The following ART3 variants were observed in gnomAD, a reference collection of about 807,000 sequenced individuals.
ART3 encodes ecto-ADP-ribosyltransferase 3.
In ART3, 49 loss-of-function variants were observed where a neutral mutation model predicts 48.5. That is an observed-to-expected ratio of 1.01 (90% CI 0.80 to 1.28). The LOEUF is 1.28. Among genes scored for constraint, ART3 ranks in the 50% most tolerant of loss-of-function variants. The pLI, the probability that ART3 is intolerant of heterozygous loss-of-function variation, is 0.00. For synonymous variants in ART3, 145 were observed against 157.2 expected, an observed-to-expected ratio of 0.92 and a Z score of 0.58; for missense variants, 438 against 454.3, an observed-to-expected ratio of 0.96 and a Z score of 0.33.
chr4:76,023,149 C>G (rs1733034063), intron 1 of ART3, among the ~76,000 whole-genome samples: 1 of 152,174 alleles, frequency 6.6e-6, no homozygotes, highest in Non-Finnish European at 1.5e-5. Flanking sequence ...TTCCCCATCT[C>G]TTCTGTCCTC....
intron 4 of ART3, among the ~76,000 whole-genome samples, chr4:76,098,114 A>G (rs1036012708): frequency 6.6e-6 from 1 of 152,030 alleles, no homozygotes; most frequent in African/African-American, 2.4e-5. Context: ...TGGCATGAAT[A>G]TAGGTCGAGG....
intron 2 of ART3, among the ~76,000 whole-genome samples, chr4:76,077,757 A>G (rs1219108635): frequency 6.6e-6 from 1 of 152,130 alleles, no homozygotes; most frequent in Non-Finnish European, 1.5e-5. Flanking sequence ...ATTTTATGTT[A>G]ACTTTTTTAG....
chr4:76,019,144 CACCAAAAGATGAAAA>C (rs925123173), intron 1 of ART3, among the ~76,000 whole-genome samples: 2 of 151,290 alleles, frequency 1.3e-5, no homozygotes, highest in African/African-American at 4.9e-5. Context: ...AAAATGGCCC[CACCAAAAGATGAAAA>C]ATATCAAAAA....
At chr4:76,109,915 G>C (rs1409722146) in intron 11 of ART3, among the ~76,000 whole-genome samples, 2 of 152,084 alleles carry the variant, frequency 1.3e-5, no homozygotes, top group Non-Finnish European at 2.9e-5. Flanking sequence ...ATTTTTCTTG[G>C]TTTTATTTAT....
chr4:76,028,977 C>T (rs1733648207), intron 1 of ART3, among the ~76,000 whole-genome samples: 1 of 152,126 alleles, frequency 6.6e-6, no homozygotes, highest in African/African-American at 2.4e-5. Context: ...AATTGGAGGA[C>T]ATTATAATAA....
chr4:76,105,239 A>G (rs1257292185), intron 10 of ART3, among the ~76,000 whole-genome samples: 3 of 152,174 alleles, frequency 2.0e-5, no homozygotes, highest in Non-Finnish European at 4.4e-5. Context: ...TCATCTGGCT[A>G]TCTGAAAGGC....
chr4:76,080,556 G>T (rs946130664), intron 2 of ART3, among the ~76,000 whole-genome samples: 3 of 152,106 alleles, frequency 2.0e-5, no homozygotes, highest in East Asian at 3.9e-4. Flanking sequence ...TTTTGCCCAG[G>T]CTGGAGTGCT....
intron 8 of ART3, among the ~76,000 whole-genome samples, chr4:76,103,089 A>AT (rs139087283): frequency 2.6e-5 from 4 of 152,244 alleles, no homozygotes; most frequent in South Asian, 2.1e-4. Context: ...AGCTGATGGC[A>AT]TTTTTTTACT....
chr4:76,073,857 A>G (rs1720581938), upstream of ART3, among the ~76,000 whole-genome samples: 2 of 152,210 alleles, frequency 1.3e-5, no homozygotes, highest in African/African-American at 2.4e-5. Context: ...AGATTTATCC[A>G]CATTGTTATA....
intron 1 of ART3, chr4:76,075,107 T>C (rs1720780661): frequency 6.6e-6 from 1 of 152,204 alleles, no homozygotes; most frequent in African/African-American, 2.4e-5. Context: ...TTCATTCTCA[T>C]TTTTAGAATC....
intron 1 of ART3, among the ~76,000 whole-genome samples, chr4:76,066,798 G>A (rs73825730): frequency 2.6e-5 from 4 of 152,202 alleles, no homozygotes; most frequent in South Asian, 2.1e-4. Flanking sequence ...CCCCTTCCAC[G>A]TGGGACTCTG....
intron 1 of ART3, chr4:76,023,481 C>A: frequency 6.5e-7 from 1 of 1,527,646 alleles, no homozygotes; most frequent in East Asian, 2.3e-5. Context: ...TATGTCTAAG[C>A]AATTGAGGAA....
intron 10 of ART3, chr4:76,105,567 T>C (rs1256807538): frequency 7.8e-7 from 1 of 1,288,118 alleles, no homozygotes; most frequent in Non-Finnish European, 1.0e-6. Context: ...AATATATTCT[T>C]TATTGGGGGT....
At chr4:76,108,110 T>C (rs1457622436) in intron 11 of ART3, among the ~76,000 whole-genome samples, 1 of 149,030 alleles carries the variant, frequency 6.7e-6, no homozygotes, top group East Asian at 2.0e-4. Context: ...AAAAGAACAG[T>C]GGTTCTCAAC....
At chr4:76,051,182 C>T (rs984205874) in intron 1 of ART3, among the ~76,000 whole-genome samples, 12 of 151,412 alleles carry the variant, frequency 7.9e-5, no homozygotes, top group Admixed American at 5.3e-4. Context: ...CGAGAGCAAG[C>T]GAGGGCTGTG....
chr4:76,083,373 A>T (rs2149565663), intron 3 of ART3, among the ~76,000 whole-genome samples: 1 of 152,250 alleles, frequency 6.6e-6, no homozygotes, highest in African/African-American at 2.4e-5. Context: ...TTTAGACATC[A>T]TGTATTGACT....
At chr4:76,069,390 T>TCC (rs1292668754) in intron 1 of ART3, among the ~76,000 whole-genome samples, 2 of 88,234 alleles carry the variant, frequency 2.3e-5, no homozygotes, top group Non-Finnish European at 4.1e-5. Context: ...TAATTCCTTT[T>TCC]TTTTTTTTTT....
chr4:76,048,384 C>T (rs941108501), intron 1 of ART3, among the ~76,000 whole-genome samples: 5 of 151,752 alleles, frequency 3.3e-5, no homozygotes, highest in Non-Finnish European at 7.4e-5. Context: ...AAAAAATGAG[C>T]CATCTCTTTT....
intron 3 of ART3, among the ~76,000 whole-genome samples, chr4:76,086,858 TC>T (rs1247742034): frequency 6.6e-6 from 1 of 152,102 alleles, no homozygotes; most frequent in Admixed American, 6.5e-5. Context: ...TCTTTCCTGC[TC>T]CCCCTATGTG....
Sources: allele counts gnomAD v4.1 joint callset (sites outside exome capture counted in the v4.1 genomes callset), GRCh38; gene constraint gnomAD v4.1.1; transcripts MANE v1.5; gene names NCBI Gene and HGNC (gene_info 2026-07-23, HGNC 2026-07-21).